KLC1: variants seen among roughly 807,000 people sequenced by gnomAD.
KLC1 encodes kinesin 2 60/70kDa.
In KLC1, 30 loss-of-function variants were observed where a neutral mutation model predicts 84.2. The observed-to-expected ratio is 0.36, with a 90% CI of 0.27 to 0.48. The LOEUF is 0.48. KLC1 is among the 20% of genes least tolerant of loss of function. KLC1 has a pLI of 0.99. For missense variants in KLC1, 499 were observed against 805.4 expected, an observed-to-expected ratio of 0.62 and a Z score of 4.60; for synonymous variants, 289 against 293.3, an observed-to-expected ratio of 0.99 and a Z score of 0.15.
At chr14:103,644,589 G>A (rs1005238996) in intron 1 of KLC1, among the ~76,000 whole-genome samples, 2 of 151,890 alleles carry the variant, frequency 1.3e-5, no homozygotes, top group African/African-American at 4.8e-5. Context: ...TCCCTCTCTG[G>A]AAGTATAGAG....
At chr14:103,692,325 C>T (rs776091274) in intron 14 of KLC1, 34 bp from the exon 15 acceptor site, 88 of 1,532,412 alleles carry the variant, frequency 5.7e-5, no homozygotes, top group Non-Finnish European at 7.3e-5. Flanking sequence ...ATGTGCTGAT[C>T]GTTTGTCCTT....
chr14:103,697,003 C>T (rs1007799966), intron 15 of KLC1: 25 of 985,332 alleles, frequency 2.5e-5, no homozygotes, highest in African/African-American at 5.2e-5. Context: ...TGGGCGGGGC[C>T]GGCCGAGCTT....
intron 11 of KLC1, 134 bp from the exon 12 acceptor site, chr14:103,677,281 G>T: frequency 1.5e-6 from 1 of 656,414 alleles, no homozygotes; most frequent in African/African-American, 1.8e-5. Context: ...TACAGTTTCA[G>T]AAAAGTACAA....
intron 1 of KLC1, among the ~76,000 whole-genome samples, chr14:103,639,872 A>G (rs1414583315): frequency 6.6e-6 from 1 of 152,064 alleles, no homozygotes; most frequent in Admixed American, 6.6e-5. Context: ...GATACACCTC[A>G]GCCTCCTGAG....
In KLC1 at chr14:103,686,299, C is replaced by T. The variant is rs942589337; in HGVS notation, c.1651-782C>T. The T allele has an allele frequency of 1.1e-5, 9 of 844,982 alleles. No homozygotes were observed. The African/African-American group carries it at 1.5e-4, about 14-fold the overall frequency. 52.3% of individuals were successfully genotyped at this position (844,982 alleles called of 1,614,324 possible). A position where few individuals can be genotyped will look rare whatever the true frequency, so the allele number is the denominator to read the frequency against. ...CATGAAACGCCGCATGGCACAGCTG[C>T]TAGGGGTCATGGGGTGACAGTTCAT... is the stretch of plus-strand genomic sequence containing the variant. On this transcript the variant is annotated intron_variant, in intron 13 of 16. Transcript: ENST00000334553.
chr14:103,660,970 A>C (rs1174361939), intron 3 of KLC1, among the ~76,000 whole-genome samples: 1 of 152,208 alleles, frequency 6.6e-6, no homozygotes, highest in East Asian at 1.9e-4. Flanking sequence ...AAAATTTATT[A>C]TTTTGAAAAA....
rs1217863807 is a variant in KLC1, at chr14:103,685,886, T to G, written c.1651-1195T>G. ...TATAAACTGTATTAATAAAATCCATTTACTGTGTAATACACGAGTTTAAAA... is the reference window on the plus strand; with the variant it reads ...TATAAACTGTATTAATAAAATCCATGTACTGTGTAATACACGAGTTTAAAA... On this transcript the variant is annotated intron_variant, in intron 13 of 16. Transcript: ENST00000334553. 2.6e-6 allele frequency: 3 copies of G among 1,147,324 alleles called. No individual in the cohort carries two copies. The African/African-American group carries it at 4.8e-5, about 19-fold the overall frequency. The allele number at this position is 1,147,324 out of a possible 1,614,324, so 71.1% of individuals were successfully genotyped here.
chr14:103,686,982 A>G, intron 13 of KLC1, 99 bp from the exon 14 acceptor site: 1 of 809,380 alleles, frequency 1.2e-6, no homozygotes, highest in Non-Finnish European at 1.9e-6. Flanking sequence ...GCTGGCAAGC[A>G]GGGCGGCCTT....
At chr14:103,640,996 C>T (rs1195142875) in intron 1 of KLC1, among the ~76,000 whole-genome samples, 1 of 151,876 alleles carries the variant, frequency 6.6e-6, no homozygotes, top group Non-Finnish European at 1.5e-5. Context: ...GGCTCCATGG[C>T]TCACTGCAAC....
chr14:103,631,331 C>T (rs918354773), intron 1 of KLC1, among the ~76,000 whole-genome samples: 1 of 152,116 alleles, frequency 6.6e-6, no homozygotes, highest in Admixed American at 6.5e-5. Flanking sequence ...CCGCCCACCT[C>T]GGCCTCCCAA....
At chr14:103,685,640 C>G in intron 13 of KLC1, 1 of 1,289,458 alleles carries the variant, frequency 7.8e-7, no homozygotes, top group Non-Finnish European at 1.0e-6. Flanking sequence ...TCTGACAGGC[C>G]TAGCCGCCCG....
chr14:103,685,205 T>C, intron 13 of KLC1: 1 of 1,423,748 alleles, frequency 7.0e-7, no homozygotes, highest in South Asian at 1.6e-5. Context: ...AAGTCCGTGG[T>C]TTCCTAAAGT....
At chr14:103,684,884 A>C in intron 13 of KLC1, 1 of 712,642 alleles carries the variant, frequency 1.4e-6, no homozygotes, top group African/African-American at 1.7e-5. Flanking sequence ...ATACGTTAGC[A>C]TTTTAGCATC....
chr14:103,670,505 T>C (rs1407637326), intron 7 of KLC1, among the ~76,000 whole-genome samples: 1 of 151,822 alleles, frequency 6.6e-6, no homozygotes, highest in African/African-American at 2.4e-5. Context: ...TCCACCTAAT[T>C]TTTGTATTTG....
chr14:103,676,926 T>C (rs1338327094), intron 11 of KLC1, among the ~76,000 whole-genome samples: 1 of 152,168 alleles, frequency 6.6e-6, no homozygotes, highest in African/African-American at 2.4e-5. Flanking sequence ...GCTTCCCTGG[T>C]ACATGAAGCA....
intron 15 of KLC1, chr14:103,698,768 A>G (rs1190690856): frequency 7.0e-6 from 11 of 1,562,960 alleles, no homozygotes; most frequent in African/African-American, 6.8e-5. Context: ...GGGGCTTCTC[A>G]GGCAGGGCTG....
intron 2 of KLC1, among the ~76,000 whole-genome samples, chr14:103,655,461 C>T (rs912612980): frequency 1.3e-5 from 2 of 151,538 alleles, no homozygotes; most frequent in Non-Finnish European, 1.5e-5. Flanking sequence ...GGCCACCACA[C>T]CTGGCTAATT....
intron 1 of KLC1, among the ~76,000 whole-genome samples, chr14:103,633,522 G>T (rs2076840754): frequency 6.6e-6 from 1 of 152,158 alleles, no homozygotes; most frequent in South Asian, 2.1e-4. Context: ...AAGCTAGGTG[G>T]GGGCAGGGGC....
chr14:103,640,186 G>A (rs576375078), intron 1 of KLC1, among the ~76,000 whole-genome samples: 4 of 152,192 alleles, frequency 2.6e-5, no homozygotes, highest in South Asian at 4.1e-4. Context: ...TCACCCTCCC[G>A]AGTAGCTGGG....
Sources: gnomAD v4.1 joint callset for allele counts (sites outside exome capture counted in the v4.1 genomes callset) on GRCh38, gnomAD v4.1.1 for gene constraint, MANE v1.5 for transcripts, NCBI Gene and HGNC (gene_info 2026-07-23, HGNC 2026-07-21) for gene names.